Variants in ATP1A3 observed in about 807,000 individuals in gnomAD.
The protein encoded by ATP1A3 is sodium/potassium-transporting ATPase subunit alpha-3.
A neutral mutation model predicts 108.8 loss-of-function variants in ATP1A3; 12 were observed. The observed-to-expected ratio is 0.11, with a 90% CI of 0.07 to 0.18. The LOEUF (loss-of-function observed/expected upper bound fraction) is 0.18, where lower values mean the gene tolerates loss of function less well. ATP1A3 is among the 10% of genes least tolerant of loss of function. The pLI, the probability that ATP1A3 is intolerant of heterozygous loss-of-function variation, is 1.00. For missense variants in ATP1A3, 498 were observed against 1,387.7 expected, an observed-to-expected ratio of 0.36 and a Z score of 10.19; for synonymous variants, 539 against 564.5, an observed-to-expected ratio of 0.95 and a Z score of 0.64.
Position 41,988,511 on chromosome 19 carries a change from G to C in ATP1A3, c.58C>G (p.Arg20Gly), listed in dbSNP as rs782461379. 15 of 1,614,018 alleles carry C rather than the reference G, an allele frequency of 9.3e-6. No homozygotes were observed. Among genetic ancestry groups the C allele is most frequent in the Non-Finnish European group, 1.2e-5 (14 of 1,180,032 alleles). The change falls in exon 2 of 23, where the codon CGG becomes GGG. Residue 20 changes from arginine (R) to glycine (G), a missense_variant. By Grantham distance (125) the Arg-to-Gly change is moderately radical. Around this residue, in one of 9 missense-constraint regions of ATP1A3, gnomAD observed 41 missense variants for 59.7 expected, o/e 0.69. Transcript: ENST00000648268. This position sits in a 1 kb window ranked among gnomAD's most constrained non-coding sequence, Gnocchi z 5.3. Reference protein sequence around the residue: ...SPKKNKGKERRDLDDLKKEVA... With the variant: ...SPKKNKGKERGDLDDLKKEVA... ...TCCTTCTTGAGGTCATCCAGGTCCCGGCGCTCCTTGCCCTTGTTCTTCTTG... is the reference window on the plus strand; with the variant it reads ...TCCTTCTTGAGGTCATCCAGGTCCCCGCGCTCCTTGCCCTTGTTCTTCTTG...
Position 41,975,643 on chromosome 19 carries a change from G to C in ATP1A3, c.2249C>G (p.Thr750Arg). The change falls in exon 16 of 23, where the codon ACA (threonine) becomes AGA (arginine). Residue 750 changes from threonine to arginine, a missense_variant. Transcript: ENST00000648268. ...LLDDNFASIV[T>R]GVEEGRLIFD... ...GGCCAACTCACCCTCCTCCACCCCT[G>C]TGACGATGGAGGCAAAGTTGTCGTC... 6.2e-7 allele frequency: 1 copy of C among 1,614,078 alleles called. No homozygotes were observed. The highest frequency in any genetic ancestry group is 8.5e-7 in the Non-Finnish European group (1 of 1,179,990).
chr19:41,981,761 A>G lies in ATP1A3; in HGVS notation c.1263T>C (p.Ala421=). Residue 421 remains alanine (A), a synonymous_variant, in exon 10 of 23, where the codon GCT becomes GCC. Transcript: ENST00000648268. This position sits in a 1 kb window ranked among gnomAD's most constrained non-coding sequence, Gnocchi z 5.0. ...LSHIAGLCNR[A]VFKGGQDNIP... is the part of the protein sequence containing the mutation. ...TGTTGTCCTGACCACCCTTGAAGAC[A>G]GCGCGATTGCAGAGCCCAGCGATGT... 6.2e-7 allele frequency: 1 copy of G among 1,614,200 alleles called. No homozygotes were observed. The highest frequency in any genetic ancestry group is 8.5e-7 in the Non-Finnish European group (1 of 1,180,034).
In ATP1A3 at chr19:41,967,652, G is replaced by A; in HGVS notation, c.2921+10C>T. Reference sequence around the variant, plus strand: ...GGTGTGGGCAGGGCTGGGGGCAGCGGGGCACTCACTTGAGAGGGTACATGC... The same window carrying A: ...GGTGTGGGCAGGGCTGGGGGCAGCGAGGCACTCACTTGAGAGGGTACATGC... On this transcript the variant is annotated intron_variant, in intron 21 of 22. Coordinates refer to ENST00000648268, the MANE Select transcript of ATP1A3 (RefSeq NM_152296.5). This position sits in a 1 kb window ranked among gnomAD's most constrained non-coding sequence, Gnocchi z 4.2. 6.2e-7 allele frequency: 1 copy of A among 1,613,350 alleles called. No individual in the cohort carries two copies. The highest frequency in any genetic ancestry group is 8.5e-7 in the Non-Finnish European group (1 of 1,179,592).
rs143904999 is a variant in ATP1A3 at position 41,978,733 on chromosome 19, G to C, written c.1503C>G (p.Pro501=). The C allele has an allele frequency of 6.2e-6, 10 of 1,614,004 alleles. No homozygotes were observed. The highest frequency in any genetic ancestry group is 8.5e-6 in the Non-Finnish European group (10 of 1,179,942). The change falls in exon 12 of 23, where the codon CCC becomes CCG. Residue 501 remains proline (P), a synonymous_variant. Transcript: ENST00000648268. The surrounding 1 kb of genome is among the most constrained non-coding windows in gnomAD (Gnocchi z 8.3). ...NRYLLVMKGA[P]ERILDRCSTI... The stretch of plus-strand genomic sequence containing the variant: ...TGGAGCAGCGGTCCAGGATGCGCTC[G>C]GGGGCACCCTTCATCACCAGCAGGT...
chr19:41,967,207 C>T lies in ATP1A3; in HGVS notation c.3013+42G>A. Reference sequence around the variant, plus strand: ...CTGGGACCAGCTGCCTGAGACCCTGCTGCCCCCCGCCCCCCTCGGCTGCCT... The same window carrying T: ...CTGGGACCAGCTGCCTGAGACCCTGTTGCCCCCCGCCCCCCTCGGCTGCCT... On this transcript the variant is annotated intron_variant, in intron 22 of 22. Coordinates refer to ENST00000648268, the MANE Select transcript of ATP1A3 (RefSeq NM_152296.5). This position sits in a 1 kb window ranked among gnomAD's most constrained non-coding sequence, Gnocchi z 4.2. 6.2e-7 allele frequency: 1 copy of T among 1,613,374 alleles called. No individual in the cohort carries two copies. The highest frequency in any genetic ancestry group is 1.7e-5 in the Admixed American group (1 of 59,912).
In ATP1A3 at chr19:41,988,560, G is replaced by A; in HGVS notation, c.9C>T (p.Asp3=). 1.9e-6 allele frequency: 3 copies of A among 1,614,120 alleles called. No homozygotes were observed. The highest frequency in any genetic ancestry group is 1.3e-5 in the African/African-American group (1 of 75,018). The change falls in exon 2 of 23, where the codon GAC becomes GAT. Residue 3 remains aspartate (D), a splice_region_variant and synonymous_variant. Coordinates refer to ENST00000648268, the MANE Select transcript of ATP1A3 (RefSeq NM_152296.5). The surrounding 1 kb of genome is among the most constrained non-coding windows in gnomAD (Gnocchi z 5.3). ...TGGGTGAGTCCTTGTCATCTTTCTTGTCCTGCGAGGTGGCGATACGATAGC... is the reference window on the plus strand; with the variant it reads ...TGGGTGAGTCCTTGTCATCTTTCTTATCCTGCGAGGTGGCGATACGATAGC... MG[D]KKDDKDSPKK...
chr19:41,980,318 A>G (rs1555862860), intron 11 of ATP1A3, among the ~76,000 whole-genome samples: 1 of 152,228 alleles, frequency 6.6e-6, no homozygotes. Flanking sequence ...TGGTCAAAAA[A>G]TGTATACTGA....
At chr19:41,992,325 G>A (rs1211696497) in intron 1 of ATP1A3, among the ~76,000 whole-genome samples, 1 of 152,158 alleles carries the variant, frequency 6.6e-6, no homozygotes, top group East Asian at 1.9e-4. Context: ...GTCAAGGCAG[G>A]AGGCCCAGAT....
intron 5 of ATP1A3, 31 bp from the exon 6 acceptor site, chr19:41,986,029 A>C (rs1459766732): frequency 6.2e-7 from 1 of 1,613,934 alleles, no homozygotes; most frequent in African/African-American, 1.3e-5. Context: ...GTCACCTCCC[A>C]GACTCCCTCT....
At chr19:41,971,169 T>C (rs2075104775) in intron 16 of ATP1A3, among the ~76,000 whole-genome samples, 1 of 151,322 alleles carries the variant, frequency 6.6e-6, no homozygotes, top group African/African-American at 2.4e-5. Context: ...TCACCACTTT[T>C]CCTAGGCTTG....
chr19:41,990,282 C>T (rs2145987864), intron 1 of ATP1A3, among the ~76,000 whole-genome samples: 1 of 150,360 alleles, frequency 6.7e-6, no homozygotes, highest in Admixed American at 6.6e-5. Flanking sequence ...TCTGGGATCT[C>T]CTCTCTATCT....
In ATP1A3 at chr19:41,981,673, G is replaced by A. The variant is rs957708169; in HGVS notation, c.1303-37C>T. The A allele has an allele frequency of 1.9e-6, 3 of 1,614,162 alleles. No homozygotes were observed. The highest frequency in any genetic ancestry group is 3.3e-5 in the Admixed American group (2 of 60,018). ...AAGGGTTGTCAGAACAGGGACAGCTGAGGGGAGGACACAGGCAGGGCCGAG... is the reference window on the plus strand; with the variant it reads ...AAGGGTTGTCAGAACAGGGACAGCTAAGGGGAGGACACAGGCAGGGCCGAG... On this transcript the variant is annotated intron_variant, in intron 10 of 22. Transcript: ENST00000648268. This position sits in a 1 kb window ranked among gnomAD's most constrained non-coding sequence, Gnocchi z 5.0.
At position 41,994,093 on chromosome 19, in the gene ATP1A3, C is replaced by T; in HGVS notation, c.-17G>A. On this transcript the variant is annotated 5_prime_UTR_variant, in exon 1 of 23. Transcript: ENST00000648268. ...TACCCCCATCTTGGCGGCTCCGCGG[C>T]GAGAGAGCCAGGCGGGCGGGGCGGG... 2 of 1,592,434 alleles carry T rather than the reference C, an allele frequency of 1.3e-6. No homozygotes were observed. The highest frequency in any genetic ancestry group is 1.7e-6 in the Non-Finnish European group (2 of 1,172,724).
rs887771356 is a variant in ATP1A3 at position 41,968,134 on chromosome 19, C to T, written c.2820-371G>A. 2.0e-5 allele frequency among the ~76,000 whole-genome samples: 3 copies of T among 151,920 alleles called. No homozygotes were observed. Among genetic ancestry groups the T allele is most frequent in the Admixed American group, 2.0e-4 (3 of 15,230 alleles). ...GAGGCACTGGTATAAAAAGAAAAGG[C>T]CAGGGGCACCTCCACCACACACACA... is the stretch of plus-strand genomic sequence containing the variant. On this transcript the variant is annotated intron_variant, in intron 20 of 22. Coordinates refer to ENST00000648268, the MANE Select transcript of ATP1A3 (RefSeq NM_152296.5). This position sits in a 1 kb window ranked among gnomAD's most constrained non-coding sequence, Gnocchi z 5.0.
At position 41,967,443 on chromosome 19, in the gene ATP1A3, C is replaced by A; in HGVS notation, c.2922-103G>T. 2 of 1,384,368 alleles carry A rather than the reference C, an allele frequency of 1.4e-6. No homozygotes were observed. The highest frequency in any genetic ancestry group is 2.5e-5 in the South Asian group (2 of 80,500). 85.8% of individuals were successfully genotyped at this position (1,384,368 alleles called of 1,614,324 possible). A position where few individuals can be genotyped will look rare whatever the true frequency, so the allele number is the denominator to read the frequency against. On this transcript the variant is annotated intron_variant, in intron 21 of 22. Coordinates refer to ENST00000648268, the MANE Select transcript of ATP1A3 (RefSeq NM_152296.5). This position sits in a 1 kb window ranked among gnomAD's most constrained non-coding sequence, Gnocchi z 4.2. Reference sequence around the variant, plus strand: ...AGAGGGGCAGTCTCCCAGGATCCTTCGTGCTCACAGGTGGAGGGTGCCCTG... The same window carrying A: ...AGAGGGGCAGTCTCCCAGGATCCTTAGTGCTCACAGGTGGAGGGTGCCCTG...
Position 41,967,610 on chromosome 19 carries a change from G to A in ATP1A3, c.2921+52C>T. ...AGGTTCAGGCTGAGTCTAAGGGAAG[G>A]CTCCATGGCAGGCGCTGGTGTGGGC... On this transcript the variant is annotated intron_variant, in intron 21 of 22. Transcript: ENST00000648268. This position sits in a 1 kb window ranked among gnomAD's most constrained non-coding sequence, Gnocchi z 4.2. The A allele has an allele frequency of 6.3e-7, 1 of 1,580,548 alleles. No homozygotes were observed. The highest frequency in any genetic ancestry group is 1.7e-5 in the Admixed American group (1 of 58,108).
rs961438729 is a variant in ATP1A3 at position 41,985,707 on chromosome 19, C to T, written c.606+157G>A. Among the ~76,000 whole-genome samples the T allele has an allele frequency of 6.6e-6, 1 of 151,938 alleles. No homozygotes were observed. Among genetic ancestry groups the T allele is most frequent in the Non-Finnish European group, 1.5e-5 (1 of 67,948 alleles). On this transcript the variant is annotated intron_variant, in intron 6 of 22. Transcript: ENST00000648268. This position sits in a 1 kb window ranked among gnomAD's most constrained non-coding sequence, Gnocchi z 8.2. ...GAGGAGGTGGCCCAGGGCCTAAACTCCTGGGTCTGAGGGAGGAGGGCCTGG... is the reference window on the plus strand; with the variant it reads ...GAGGAGGTGGCCCAGGGCCTAAACTTCTGGGTCTGAGGGAGGAGGGCCTGG...
At position 41,993,849 on chromosome 19, in the gene ATP1A3, C is replaced by G. The variant is rs1175418615; in HGVS notation, c.6+222G>C. 1.1e-5 allele frequency: 9 copies of G among 825,250 alleles called. No homozygotes were observed. The African/African-American group carries it at 1.6e-4, about 15-fold the overall frequency. 51.1% of individuals were successfully genotyped at this position (825,250 alleles called of 1,614,324 possible). A position where few individuals can be genotyped will look rare whatever the true frequency, so the allele number is the denominator to read the frequency against. On this transcript the variant is annotated intron_variant, in intron 1 of 22. Coordinates refer to ENST00000648268, the MANE Select transcript of ATP1A3 (RefSeq NM_152296.5). ...TGCTGAGGGCTGGCCCACAACCTCGCGGATCTCCGCACACAAAGCCATGCC... is the reference window on the plus strand; with the variant it reads ...TGCTGAGGGCTGGCCCACAACCTCGGGGATCTCCGCACACAAAGCCATGCC...
intron 8 of ATP1A3, among the ~76,000 whole-genome samples, chr19:41,982,515 A>G (rs1279545351): frequency 2.6e-5 from 4 of 152,066 alleles, no homozygotes; most frequent in Non-Finnish European, 5.9e-5. Flanking sequence ...CATCCCAGCT[A>G]CTTGGGAAGC....
Sources: allele counts gnomAD v4.1 joint callset (sites outside exome capture counted in the v4.1 genomes callset), GRCh38; gene constraint gnomAD v4.1.1; regional missense constraint gnomAD v4.1.1; non-coding constraint Gnocchi (gnomAD v3.1); transcripts MANE v1.5; gene names NCBI Gene and HGNC (gene_info 2026-07-23, HGNC 2026-07-21).